The following TYW1 variants were observed in gnomAD, a reference collection of about 807,000 sequenced individuals.
TYW1 encodes tRNA-yW synthesizing protein 1 homolog.
TYW1 carries 46 observed loss-of-function variants against 96.2 expected under a neutral mutation model. The observed-to-expected ratio is 0.48, with a 90% CI of 0.38 to 0.61. The LOEUF (loss-of-function observed/expected upper bound fraction) is 0.61, where lower values mean the gene tolerates loss of function less well. TYW1 is among the 20% of genes least tolerant of loss of function. TYW1 has a pLI of 0.00. For synonymous variants in TYW1, 274 were observed against 323.0 expected (o/e 0.85, Z 1.63); for missense variants, 684 against 909.6 (o/e 0.75, Z 3.19).
At chr7:67,043,995 G>T (rs1795106119) in intron 7 of TYW1, among the ~76,000 whole-genome samples, 1 of 151,550 alleles carries the variant, frequency 6.6e-6, no homozygotes, top group South Asian at 2.1e-4. Context: ...TGCAGCAAAA[G>T]TTATTAAATA....
At chr7:67,047,783 A>ATTTTTTTTT (rs36007120) in intron 7 of TYW1, among the ~76,000 whole-genome samples, 1 of 79,872 alleles carries the variant, frequency 1.3e-5, no homozygotes, top group African/African-American at 4.7e-5. Context: ...GTGAGTGTCA[A>ATTTTTTTTT]TTTTTTTTTT....
chr7:67,044,318 G>C (rs896606745), intron 7 of TYW1, among the ~76,000 whole-genome samples: 3 of 151,870 alleles, frequency 2.0e-5, no homozygotes, highest in Admixed American at 2.0e-4. Flanking sequence ...GGCTGTTCTA[G>C]AACTCCTGAC....
At chr7:67,051,732 G>GTTTTTTTTTTTTTTTT in intron 8 of TYW1, among the ~76,000 whole-genome samples, 1 of 123,960 alleles carries the variant, frequency 8.1e-6, no homozygotes, top group Non-Finnish European at 1.8e-5. Flanking sequence ...TTGTTTTTTT[G>GTTTTTTTTTTTTTTTT]TTTTTTTTTT....
intron 8 of TYW1, among the ~76,000 whole-genome samples, chr7:67,051,968 CACT>C (rs1795375253): frequency 6.6e-6 from 1 of 152,072 alleles, no homozygotes; most frequent in Non-Finnish European, 1.5e-5. Flanking sequence ...GATGTTACTC[CACT>C]GTCCTCTTAC....
In TYW1 at chr7:67,158,384, G is replaced by A. The variant is rs117708362; in HGVS notation, c.1699-24742G>A. On this transcript the variant is annotated intron_variant, in intron 13 of 15. Coordinates refer to ENST00000359626, the MANE Select transcript of TYW1 (RefSeq NM_018264.4). The stretch of plus-strand genomic sequence containing the variant: ...ATCACAGGCGTGAGCCACCATGCCT[G>A]GCCTGCTAAGGATTTTATCATGAAT... 2.0e-5 allele frequency among the ~76,000 whole-genome samples: 3 copies of A among 152,154 alleles called. No homozygotes were observed. In the East Asian group the frequency reaches 5.8e-4, roughly 29 times the overall value.
chr7:67,167,336 G>A (rs1044961589), intron 13 of TYW1, among the ~76,000 whole-genome samples: 1 of 151,970 alleles, frequency 6.6e-6, no homozygotes. Flanking sequence ...GGGCCTGGTG[G>A]CACACGCCTG....
At chr7:67,134,640 G>C (rs1798186917) in intron 13 of TYW1, among the ~76,000 whole-genome samples, 1 of 151,774 alleles carries the variant, frequency 6.6e-6, no homozygotes, top group African/African-American at 2.4e-5. Context: ...AGCAGAAAAA[G>C]TTTCTGCTAG....
intron 7 of TYW1, among the ~76,000 whole-genome samples, chr7:67,030,436 C>T (rs1452168344): frequency 6.6e-6 from 1 of 151,868 alleles, no homozygotes; most frequent in Non-Finnish European, 1.5e-5. Flanking sequence ...TCGAGACCAG[C>T]CTAACCAACA....
At chr7:67,157,087 T>C (rs1472337672) in intron 13 of TYW1, among the ~76,000 whole-genome samples, 5 of 152,132 alleles carry the variant, frequency 3.3e-5, no homozygotes, top group Admixed American at 6.5e-5. Context: ...TGGTCCTTCT[T>C]TGTGGAGGAG....
At position 67,138,648 on chromosome 7, in the gene TYW1, G is replaced by T. The variant is rs554305969; in HGVS notation, c.1698+21030G>T. On this transcript the variant is annotated intron_variant, in intron 13 of 15. Coordinates refer to ENST00000359626, the MANE Select transcript of TYW1 (RefSeq NM_018264.4). ...CCCCCACTACCCTTCCCAGCCTCTG[G>T]TAACCATCCTTCTACTGTCTGTCTC... Among the ~76,000 whole-genome samples the T allele has an allele frequency of 7.2e-5, 11 of 151,982 alleles. No homozygotes were observed. The South Asian group carries it at 1.9e-3, about 26-fold the overall frequency.
At chr7:67,036,345 C>G (rs1364388159) in intron 7 of TYW1, among the ~76,000 whole-genome samples, 1 of 152,094 alleles carries the variant, frequency 6.6e-6, no homozygotes, top group Non-Finnish European at 1.5e-5. Flanking sequence ...TAGCGCTCCT[C>G]TAATCAGAAG....
intron 13 of TYW1, among the ~76,000 whole-genome samples, chr7:67,139,041 T>C (rs1329658627): frequency 6.6e-6 from 1 of 151,994 alleles, no homozygotes; most frequent in Non-Finnish European, 1.5e-5. Flanking sequence ...CTTCAAAACC[T>C]GTAGTTATTT....
At chr7:67,058,551 C>T (rs62466633) in intron 9 of TYW1, among the ~76,000 whole-genome samples, 6,100 of 152,092 alleles carry the variant, frequency 0.04, 182 homozygotes, top group Middle Eastern at 0.099. Context: ...GGTGCAATTT[C>T]GGCTCACTGC....
intron 7 of TYW1, among the ~76,000 whole-genome samples, chr7:67,034,142 TG>T (rs1464279316): frequency 6.6e-6 from 1 of 151,298 alleles, no homozygotes; most frequent in African/African-American, 2.4e-5. Context: ...CTTGCTCTGT[TG>T]CCCAGGCCGG....
At chr7:67,092,417 A>G (rs1030908889) in intron 11 of TYW1, among the ~76,000 whole-genome samples, 1 of 152,060 alleles carries the variant, frequency 6.6e-6, no homozygotes, top group Non-Finnish European at 1.5e-5. Context: ...AAAATCCTGC[A>G]TTGGCTACCC....
At chr7:67,134,781 T>G (rs1449383033) in intron 13 of TYW1, among the ~76,000 whole-genome samples, 23 of 68,122 alleles carry the variant, frequency 3.4e-4, no homozygotes, top group Non-Finnish European at 4.4e-4. Context: ...GCCCATGTGT[T>G]TTTTTTTTTT....
At chr7:67,163,348 C>G (rs1180151691) in intron 13 of TYW1, among the ~76,000 whole-genome samples, 4 of 152,190 alleles carry the variant, frequency 2.6e-5, no homozygotes, top group Non-Finnish European at 5.9e-5. Flanking sequence ...TTTTCACATT[C>G]TGCTGCCAGT....
At chr7:67,099,814 C>T (rs1010355228) in intron 12 of TYW1, among the ~76,000 whole-genome samples, 3 of 152,138 alleles carry the variant, frequency 2.0e-5, no homozygotes, top group Admixed American at 6.5e-5. Context: ...ACCAGTCTGA[C>T]CAACATGGGG....
chr7:67,155,891 T>C (rs1053014502), intron 13 of TYW1, among the ~76,000 whole-genome samples: 9 of 152,198 alleles, frequency 5.9e-5, no homozygotes, highest in Non-Finnish European at 1.0e-4. Context: ...TTCCTGTAGA[T>C]GTATTTATAC....
Sources: allele counts gnomAD v4.1 joint callset (sites outside exome capture counted in the v4.1 genomes callset), GRCh38; gene constraint gnomAD v4.1.1; transcripts MANE v1.5; gene names NCBI Gene and HGNC (gene_info 2026-07-23, HGNC 2026-07-21).